TMEM245: variants seen among roughly 807,000 people sequenced by gnomAD.
TMEM245 encodes the protein transmembrane protein 245.
TMEM245 carries 69 observed loss-of-function variants against 101.2 expected under a neutral mutation model. The ratio of observed to expected loss-of-function variants is 0.68; its 90% CI spans 0.56 to 0.83. TMEM245 has a LOEUF of 0.83. Ranked by LOEUF, TMEM245 falls within the 40% of genes least tolerant of loss-of-function variation. The pLI is 0.00. For synonymous variants in TMEM245, 537 were observed against 449.8 expected (o/e 1.19, Z -2.45); for missense variants, 1,075 against 1,092.8 (o/e 0.98, Z 0.23).
intron 12 of TMEM245, 41 bp from the exon 13 acceptor site, chr9:109,050,733 T>A: frequency 6.2e-7 from 1 of 1,607,490 alleles, no homozygotes; most frequent in Non-Finnish European, 8.5e-7. Context: ...CCAATCCTCA[T>A]GAAAAAAGTT....
At chr9:109,069,717 T>C (rs1253285419) in intron 9 of TMEM245, among the ~76,000 whole-genome samples, 1 of 152,164 alleles carries the variant, frequency 6.6e-6, no homozygotes, top group Non-Finnish European at 1.5e-5. Flanking sequence ...ACCAGTTCTT[T>C]CCCTGGAGCA....
intron 3 of TMEM245, among the ~76,000 whole-genome samples, chr9:109,098,747 C>T (rs1830206633): frequency 6.6e-6 from 1 of 152,088 alleles, no homozygotes; most frequent in South Asian, 2.1e-4. Flanking sequence ...AAGGAAAGAA[C>T]ATCCAAGGTT....
intron 14 of TMEM245, chr9:109,038,972 T>A (rs963679102): frequency 6.6e-6 from 1 of 152,186 alleles, no homozygotes; most frequent in South Asian, 2.1e-4. Flanking sequence ...CTGGACTCTA[T>A]GGGGTGGTGC....
intron 3 of TMEM245, among the ~76,000 whole-genome samples, chr9:109,097,206 T>C (rs910279259): frequency 6.6e-6 from 1 of 152,132 alleles, no homozygotes; most frequent in Non-Finnish European, 1.5e-5. Context: ...GAGAGGAAGC[T>C]CCTGAGAGAC....
intron 16 of TMEM245, among the ~76,000 whole-genome samples, chr9:109,034,269 T>G (rs1828054713): frequency 6.6e-6 from 1 of 152,200 alleles, no homozygotes; most frequent in Admixed American, 6.5e-5. Flanking sequence ...CTAAATATCC[T>G]GGAAGGATGT....
chr9:109,022,514 C>A (rs1827662494), intron 17 of TMEM245, among the ~76,000 whole-genome samples: 4 of 98,722 alleles, frequency 4.1e-5, no homozygotes, highest in Admixed American at 2.3e-4. Context: ...TATCTCAAAT[C>A]AGTGTTTCTC....
chr9:109,059,922 T>C (rs1048767223), intron 11 of TMEM245, among the ~76,000 whole-genome samples: 2 of 151,890 alleles, frequency 1.3e-5, no homozygotes. Flanking sequence ...AAAAAAATGA[T>C]ATAAAATATC....
At chr9:109,102,799 A>T (rs1192290330) in intron 3 of TMEM245, among the ~76,000 whole-genome samples, 1 of 152,262 alleles carries the variant, frequency 6.6e-6, no homozygotes, top group African/African-American at 2.4e-5. Flanking sequence ...TGCAGCTAGT[A>T]ATCTGCTCTT....
chr9:109,083,733 T>G (rs537228712), intron 7 of TMEM245, among the ~76,000 whole-genome samples: 1 of 151,636 alleles, frequency 6.6e-6, no homozygotes, highest in African/African-American at 2.4e-5. Flanking sequence ...AAATTCCACT[T>G]GAGTTTTAGT....
chr9:109,030,948 T>C (rs998595646), intron 17 of TMEM245, among the ~76,000 whole-genome samples: 3 of 152,238 alleles, frequency 2.0e-5, no homozygotes, highest in Non-Finnish European at 4.4e-5. Context: ...ATATTTTCAT[T>C]AAATGCATTG....
intron 11 of TMEM245, among the ~76,000 whole-genome samples, chr9:109,058,990 A>G (rs1464558177): frequency 1.3e-5 from 2 of 152,154 alleles, no homozygotes; most frequent in African/African-American, 4.8e-5. Context: ...ATCACCCATG[A>G]TACTGGGGGA....
At chr9:109,056,493 G>C (rs529785603) in intron 12 of TMEM245, among the ~76,000 whole-genome samples, 67 of 147,792 alleles carry the variant, frequency 4.5e-4, no homozygotes, top group Middle Eastern at 3.5e-3. Flanking sequence ...GGGCATGCCC[G>C]TAATCCCAGC....
At chr9:109,057,049 A>T in intron 12 of TMEM245, 142 bp downstream of exon 12, 2 of 869,846 alleles carry the variant, frequency 2.3e-6, no homozygotes, top group Non-Finnish European at 1.7e-6. Context: ...ACATCATCCT[A>T]GTGCATTTAG....
Position 109,015,646 on chromosome 9 carries a change from C to A in TMEM245, c.*4814G>T, listed in dbSNP as rs1827419012. ...TAGTAAAGAACTCTGGACTTGGAGT[C>A]AGAAGTTCTGCAACTAAATTCTGGC... On this transcript the variant is annotated 3_prime_UTR_variant, in exon 18 of 18. Transcript: ENST00000374586. 1 of 152,572 alleles carries A rather than the reference C, an allele frequency of 6.6e-6. No homozygotes were observed. The highest frequency in any genetic ancestry group is 6.5e-5 in the Admixed American group (1 of 15,274). 9.5% of individuals were successfully genotyped at this position (152,572 alleles called of 1,614,324 possible). A position where few individuals can be genotyped will look rare whatever the true frequency, so the allele number is the denominator to read the frequency against.
intron 16 of TMEM245, among the ~76,000 whole-genome samples, chr9:109,034,920 G>A (rs2132317963): frequency 6.6e-6 from 1 of 152,134 alleles, no homozygotes. Context: ...AGTTTGGGAG[G>A]CCAAGGCAGG....
In TMEM245 at chr9:109,089,987, G is replaced by A. The variant is rs549923921; in HGVS notation, c.1150+935C>T. Among the ~76,000 whole-genome samples, 14 of 152,300 alleles carry A rather than the reference G, an allele frequency of 9.2e-5. No individual in the cohort carries two copies. In the South Asian group the frequency reaches 2.3e-3, roughly 25 times the overall value. ...AAAAATCATTCAATCTCAGCTAGGC[G>A]CAGTGGCTCACTCCTGTAATGCCAG... On this transcript the variant is annotated intron_variant, in intron 5 of 17. Coordinates refer to ENST00000374586, the MANE Select transcript of TMEM245 (RefSeq NM_032012.4).
intron 14 of TMEM245, chr9:109,042,396 C>T (rs1446545445): frequency 6.6e-6 from 1 of 152,058 alleles, no homozygotes; most frequent in Admixed American, 6.6e-5. Flanking sequence ...TTTAGGCTAG[C>T]CAAGTAAAGC....
At chr9:109,041,048 G>A (rs1202931904) in intron 14 of TMEM245, among the ~76,000 whole-genome samples, 2 of 152,012 alleles carry the variant, frequency 1.3e-5, no homozygotes, top group Middle Eastern at 3.2e-3. Flanking sequence ...AATAGTCCAC[G>A]GACACCAACC....
At chr9:109,059,191 C>T (rs72760325) in intron 11 of TMEM245, among the ~76,000 whole-genome samples, 11,612 of 152,180 alleles carry the variant, frequency 0.076, 652 homozygotes, top group Non-Finnish European at 0.11. Context: ...ATCTATGATA[C>T]TCACCTAGAT....
Sources: allele counts gnomAD v4.1 joint callset (sites outside exome capture counted in the v4.1 genomes callset), GRCh38; gene constraint gnomAD v4.1.1; transcripts MANE v1.5; gene names NCBI Gene and HGNC (gene_info 2026-07-23, HGNC 2026-07-21).